The following CAMK1D variants were observed in gnomAD, a reference collection of about 807,000 sequenced individuals.
The protein encoded by CAMK1D is calcium/calmodulin-dependent protein kinase type 1D.
Under a neutral mutation model 47.7 loss-of-function variants are expected in CAMK1D, and 9 were observed. The ratio of observed to expected loss-of-function variants is 0.19; its 90% CI spans 0.11 to 0.33. CAMK1D has a LOEUF of 0.33. Ranked by LOEUF, CAMK1D falls within the 10% of genes least tolerant of loss-of-function variation. The pLI is 1.00. For missense variants in CAMK1D, 291 were observed against 488.7 expected (o/e 0.60, Z 3.81); for synonymous variants, 184 against 184.9 (o/e 0.99, Z 0.04).
chr10:12,468,753 T>A (rs1833664919), intron 1 of CAMK1D, among the ~76,000 whole-genome samples: 1 of 152,106 alleles, frequency 6.6e-6, no homozygotes, highest in African/African-American at 2.4e-5. Flanking sequence ...GGCTCTTAAG[T>A]CTGATCTGCA....
At chr10:12,794,616 A>G (rs1003042210) in intron 6 of CAMK1D, among the ~76,000 whole-genome samples, 2 of 152,168 alleles carry the variant, frequency 1.3e-5, no homozygotes, top group African/African-American at 2.4e-5. Context: ...TTTCTACTTG[A>G]TGGTTTCCTG....
intron 2 of CAMK1D, among the ~76,000 whole-genome samples, chr10:12,594,163 A>C (rs557914812): frequency 6.6e-6 from 1 of 152,298 alleles, no homozygotes; most frequent in South Asian, 2.1e-4. Context: ...CAATCATGGG[A>C]GTGAAGTTCT....
At chr10:12,773,665 G>C (rs1365287320) in intron 5 of CAMK1D, among the ~76,000 whole-genome samples, 1 of 152,188 alleles carries the variant, frequency 6.6e-6, no homozygotes, top group Non-Finnish European at 1.5e-5. Flanking sequence ...GGCAGAGGCA[G>C]GCAGATTACC....
chr10:12,719,267 C>T (rs1022633727), intron 3 of CAMK1D, among the ~76,000 whole-genome samples: 8 of 151,656 alleles, frequency 5.3e-5, no homozygotes, highest in South Asian at 4.2e-4. Flanking sequence ...AGTAACCAGG[C>T]GTGATGGTGC....
intron 1 of CAMK1D, among the ~76,000 whole-genome samples, chr10:12,471,865 CTACAAAAAAA>C (rs1228570431): frequency 2.6e-5 from 4 of 151,704 alleles, no homozygotes; most frequent in African/African-American, 7.3e-5. Context: ...GACTCTCTCT[CTACAAAAAAA>C]TACAAAAAAA....
At chr10:12,764,672 T>C (rs1281509550) in intron 4 of CAMK1D, among the ~76,000 whole-genome samples, 2 of 152,236 alleles carry the variant, frequency 1.3e-5, no homozygotes, top group African/African-American at 4.8e-5. Context: ...CCTTATTGTT[T>C]AGTGAAGGAT....
At chr10:12,647,771 A>G (rs545459256) in intron 2 of CAMK1D, among the ~76,000 whole-genome samples, 10 of 152,262 alleles carry the variant, frequency 6.6e-5, no homozygotes, top group South Asian at 4.1e-4. Flanking sequence ...TTTCCACCCA[A>G]TGCTTGTGGG....
intron 1 of CAMK1D, among the ~76,000 whole-genome samples, chr10:12,499,150 G>A (rs574432947): frequency 6.7e-6 from 1 of 149,032 alleles, no homozygotes; most frequent in South Asian, 2.1e-4. Flanking sequence ...TGAGCTAGAA[G>A]CAAGAGGAAT....
At chr10:12,582,882 G>T (rs1837703388) in intron 2 of CAMK1D, among the ~76,000 whole-genome samples, 1 of 152,224 alleles carries the variant, frequency 6.6e-6, no homozygotes, top group South Asian at 2.1e-4. Context: ...CATTGGCTGA[G>T]CTAGGATCAG....
intron 1 of CAMK1D, among the ~76,000 whole-genome samples, chr10:12,412,771 G>C (rs1839708933): frequency 6.6e-6 from 1 of 151,800 alleles, no homozygotes; most frequent in Non-Finnish European, 1.5e-5. Flanking sequence ...CAGATGCCTG[G>C]GGGGAGGCCG....
intron 2 of CAMK1D, among the ~76,000 whole-genome samples, chr10:12,583,665 G>A (rs1368879968): frequency 2.7e-5 from 4 of 150,804 alleles, no homozygotes; most frequent in Admixed American, 6.6e-5. Context: ...GCAGTGGCGC[G>A]ATCTCAGCTC....
chr10:12,468,344 G>A (rs1833652143), intron 1 of CAMK1D, among the ~76,000 whole-genome samples: 1 of 152,238 alleles, frequency 6.6e-6, no homozygotes, highest in African/African-American at 2.4e-5. Flanking sequence ...TTACAGCCAT[G>A]AGCCACTGAG....
chr10:12,689,889 ATT>A (rs1367195689), intron 3 of CAMK1D, among the ~76,000 whole-genome samples: 1 of 152,134 alleles, frequency 6.6e-6, no homozygotes, highest in Non-Finnish European at 1.5e-5. Flanking sequence ...GGGTGAATTC[ATT>A]TTTATGGTTC....
At chr10:12,605,746 C>T (rs1838440043) in intron 2 of CAMK1D, among the ~76,000 whole-genome samples, 1 of 152,238 alleles carries the variant, frequency 6.6e-6, no homozygotes, top group Admixed American at 6.5e-5. Context: ...TCTGCCTCAG[C>T]CCTGGGCTGT....
At chr10:12,401,226 TATATATATATTTTA>T (rs1839195575) in intron 1 of CAMK1D, among the ~76,000 whole-genome samples, 1 of 40,632 alleles carries the variant, frequency 2.5e-5, no homozygotes, top group African/African-American at 1.1e-4. Flanking sequence ...TTATATATAT[TATATATATATTTTA>T]TATATATATA....
At chr10:12,407,784 C>A (rs1839492037) in intron 1 of CAMK1D, among the ~76,000 whole-genome samples, 1 of 152,102 alleles carries the variant, frequency 6.6e-6, no homozygotes, top group South Asian at 2.1e-4. Flanking sequence ...TACTTCCCCC[C>A]CGGGAAACAC....
intron 1 of CAMK1D, among the ~76,000 whole-genome samples, chr10:12,518,108 T>C (rs1457731349): frequency 2.6e-5 from 4 of 152,200 alleles, no homozygotes; most frequent in Admixed American, 6.5e-5. Context: ...TTTTCTCAAG[T>C]GGTAGTTTTT....
At chr10:12,657,792 C>T (rs574903683) in intron 2 of CAMK1D, among the ~76,000 whole-genome samples, 68 of 152,276 alleles carry the variant, frequency 4.5e-4, no homozygotes, top group African/African-American at 1.5e-3. Flanking sequence ...TTTAAATATA[C>T]ACACACACAT....
At chr10:12,452,597 T>G (rs1284348378) in intron 1 of CAMK1D, among the ~76,000 whole-genome samples, 1 of 152,152 alleles carries the variant, frequency 6.6e-6, no homozygotes, top group Non-Finnish European at 1.5e-5. Flanking sequence ...TTTGACTTTT[T>G]TTTTTTGAGA....
Sources: allele counts gnomAD v4.1 joint callset (sites outside exome capture counted in the v4.1 genomes callset), GRCh38; gene constraint gnomAD v4.1.1; transcripts MANE v1.5; gene names NCBI Gene and HGNC (gene_info 2026-07-23, HGNC 2026-07-21).